UBA6: variants seen among roughly 807,000 people sequenced by gnomAD.
UBA6 encodes the protein ubiquitin like modifier activating enzyme 6, also known as ubiquitin-like modifier-activating enzyme 6.
UBA6 carries 87 observed loss-of-function variants against 148.3 expected under a neutral mutation model. That is an observed-to-expected ratio of 0.59 (90% CI 0.49 to 0.70). The LOEUF (loss-of-function observed/expected upper bound fraction) is 0.70. UBA6 is among the 30% of genes least tolerant of loss of function. The probability of loss-of-function intolerance (pLI) is 0.00; values close to 1 mark genes in which losing one functional copy is unlikely to be tolerated. For missense variants in UBA6, 1,186 were observed against 1,241.2 expected (o/e 0.96, Z 0.67); for synonymous variants, 376 against 401.0 (o/e 0.94, Z 0.75).
chr4:67,699,417 A>G (rs1403417374), intron 1 of UBA6, among the ~76,000 whole-genome samples: 1 of 152,224 alleles, frequency 6.6e-6, no homozygotes, highest in African/African-American at 2.4e-5. Flanking sequence ...ACACTGGCAC[A>G]TATCAAATGA....
chr4:67,640,644 T>C (rs893347161), intron 18 of UBA6, among the ~76,000 whole-genome samples: 2 of 152,170 alleles, frequency 1.3e-5, no homozygotes, highest in Non-Finnish European at 2.9e-5. Context: ...CAAATCTGCT[T>C]GACTTAAAAT....
chr4:67,663,537 T>C, intron 11 of UBA6: 1 of 349,682 alleles, frequency 2.9e-6, no homozygotes, highest in Non-Finnish European at 5.1e-6. Flanking sequence ...TCAAGGCTTT[T>C]TTGGTAAGAA....
chr4:67,633,309 C>A, intron 23 of UBA6, 36 bp downstream of exon 23: 1 of 1,527,816 alleles, frequency 6.5e-7, no homozygotes, highest in South Asian at 1.3e-5. Context: ...AAGCCAAGAT[C>A]AGACCTTTTC....
chr4:67,644,660 A>G (rs1729379970), intron 17 of UBA6, 38 bp downstream of exon 17: 1 of 1,195,954 alleles, frequency 8.4e-7, no homozygotes, highest in African/African-American at 1.5e-5. Flanking sequence ...GCAACAACAG[A>G]AATATAAACT....
Position 67,681,547 on chromosome 4 carries a change from G to A in UBA6, c.258+16C>T, listed in dbSNP as rs1393631424. On this transcript the variant is annotated intron_variant, in intron 4 of 32. Coordinates refer to ENST00000322244, the MANE Select transcript of UBA6 (RefSeq NM_018227.6). ...AAGGCTCATAACAATTTTTCTTACA[G>A]AGGACATTTACTTACCTTAATCCCT... The A allele has an allele frequency of 7.1e-6, 11 of 1,554,292 alleles. No individual in the cohort carries two copies. The highest frequency in any genetic ancestry group is 1.4e-5 in the African/African-American group (1 of 70,788).
Position 67,634,326 on chromosome 4 carries a change from T to C in UBA6, c.1933-4A>G. 1.3e-6 allele frequency: 2 copies of C among 1,579,854 alleles called. No homozygotes were observed. Among genetic ancestry groups the C allele is most frequent in the Middle Eastern group, 1.7e-4 (1 of 5,742 alleles). On this transcript the variant is annotated splice_region_variant and splice_polypyrimidine_tract_variant and intron_variant, in intron 21 of 32. Coordinates refer to ENST00000322244, the MANE Select transcript of UBA6 (RefSeq NM_018227.6). ...TGTGGGAAAAGGAACTTTCAAACTG[T>C]AACAGAGAAAAGAAAAAAAAAATTA... is the stretch of plus-strand genomic sequence containing the variant.
At chr4:67,658,269 T>C (rs547349222) in intron 13 of UBA6, among the ~76,000 whole-genome samples, 84 of 152,342 alleles carry the variant, frequency 5.5e-4, no homozygotes, top group Non-Finnish European at 9.6e-4. Context: ...CTATTCACTA[T>C]AGCAAACTTG....
intron 2 of UBA6, among the ~76,000 whole-genome samples, chr4:67,695,937 T>C (rs1730821388): frequency 6.6e-6 from 1 of 152,120 alleles, no homozygotes; most frequent in Non-Finnish European, 1.5e-5. Context: ...AAAAGTATAG[T>C]TTAAAAAGTC....
chr4:67,638,755 T>A (rs1242628185), intron 19 of UBA6, among the ~76,000 whole-genome samples, 188 bp downstream of exon 19: 1 of 152,190 alleles, frequency 6.6e-6, no homozygotes, highest in Non-Finnish European at 1.5e-5. Flanking sequence ...AACATTTAGG[T>A]TATGTTACAG....
In UBA6 at chr4:67,622,840, A is replaced by C. The variant is rs1728780981; in HGVS notation, c.3014T>G (p.Leu1005Trp). 1.9e-6 allele frequency: 3 copies of C among 1,609,570 alleles called. No homozygotes were observed. The highest frequency in any genetic ancestry group is 1.7e-6 in the Non-Finnish European group (2 of 1,178,262). ...AATGTTGAATACTTACGTTAACTTC[A>C]ATCTTTTTGCATGACCAGGCATTAC... is the stretch of plus-strand genomic sequence containing the variant. ...VPVMPGHAKR[L>W]KLTMHKLVKP... Residue 1005 changes from leucine (L) to tryptophan (W), a missense_variant, in exon 32 of 33, where the codon TTG (leucine) becomes TGG (tryptophan). Transcript: ENST00000322244.
At chr4:67,699,215 G>A (rs1730912045) in intron 1 of UBA6, among the ~76,000 whole-genome samples, 1 of 152,162 alleles carries the variant, frequency 6.6e-6, no homozygotes, top group Non-Finnish European at 1.5e-5. Flanking sequence ...TGAGAGCTGA[G>A]ATCAATATAC....
Position 67,701,107 on chromosome 4 carries a change from C to G in UBA6, c.13G>C (p.Glu5Gln), listed in dbSNP as rs763998995. Residue 5 changes from glutamate to glutamine, a missense_variant, in exon 1 of 33, where the codon GAG (glutamate) becomes CAG (glutamine). Glu to Gln is a conservative substitution (Grantham distance 29). Coordinates refer to ENST00000322244, the MANE Select transcript of UBA6 (RefSeq NM_018227.6). ...TCCCCCTGATGGGCGGCCACAGGCT[C>G]GGATCCTTCCATTGCCGCCTGAGAC... MEGS[E>Q]PVAAHQGEEA... The G allele has an allele frequency of 5.6e-6, 9 of 1,613,054 alleles. No homozygotes were observed. Among genetic ancestry groups the G allele is most frequent in the African/African-American group, 5.3e-5 (4 of 74,886 alleles).
At chr4:67,640,750 G>A (rs902609895) in intron 18 of UBA6, among the ~76,000 whole-genome samples, 1 of 152,136 alleles carries the variant, frequency 6.6e-6, no homozygotes, top group Non-Finnish European at 1.5e-5. Flanking sequence ...TTGGTCAAAC[G>A]ATCAAAAGAG....
chr4:67,618,908 GTAT>G lies in UBA6; in HGVS notation c.*86_*88del, dbSNP rs770100014. 3.2e-4 allele frequency: 405 copies of G among 1,278,186 alleles called. 1 individual carries two copies. The highest frequency in any genetic ancestry group is 4.3e-4 in the Non-Finnish European group (393 of 920,332). 79.2% of individuals were successfully genotyped at this position (1,278,186 alleles called of 1,614,324 possible). On this transcript the variant is annotated 3_prime_UTR_variant, in exon 33 of 33. Coordinates refer to ENST00000322244, the MANE Select transcript of UBA6 (RefSeq NM_018227.6). ...AGGCTTAATGAAAGAGAAATCCATA[GTAT>G]TATGAACTGATTTTCTTTAGCTTCT...
rs574051213 is a variant in UBA6 at position 67,649,836 on chromosome 4, C to T, written c.1105-625G>A. On this transcript the variant is annotated intron_variant, in intron 13 of 32. Coordinates refer to ENST00000322244, the MANE Select transcript of UBA6 (RefSeq NM_018227.6). ...CTTATATGTGACAAAGATCTTTTCACGAGCCCTGTTTTCTTTCTCTTCTTA... is the reference window on the plus strand; with the variant it reads ...CTTATATGTGACAAAGATCTTTTCATGAGCCCTGTTTTCTTTCTCTTCTTA... 5.3e-5 allele frequency among the ~76,000 whole-genome samples: 8 copies of T among 152,242 alleles called. No homozygotes were observed. The East Asian group carries it at 1.4e-3, about 26-fold the overall frequency.
Position 67,622,882 on chromosome 4 carries a change from T to C in UBA6, c.2972A>G (p.Lys991Arg). The change falls in exon 32 of 33, where the codon AAA becomes AGA. Residue 991 changes from lysine to arginine, a missense_variant. By Grantham distance (26) the Lys-to-Arg change is conservative. Coordinates refer to ENST00000322244, the MANE Select transcript of UBA6 (RefSeq NM_018227.6). The part of the protein sequence containing the change: ...IEPTMVVQGV[K>R]MLYVPVMPGH... ...AGGCATTACAGGAACATAAAGCATT[T>C]TGACTCCCTGTACCACCATTGTTGG... 2 of 1,613,362 alleles carry C rather than the reference T, an allele frequency of 1.2e-6. No individual in the cohort carries two copies. Among genetic ancestry groups the C allele is most frequent in the Non-Finnish European group, 8.5e-7 (1 of 1,179,646 alleles).
At chr4:67,622,775 G>C in intron 32 of UBA6, 56 bp downstream of exon 32, 2 of 1,219,606 alleles carry the variant, frequency 1.6e-6, no homozygotes, top group Non-Finnish European at 1.2e-6. Flanking sequence ...TTTTTAGTGT[G>C]CATCAACTTA....
Position 67,630,379 on chromosome 4 carries a change from C to T in UBA6, c.2328+87G>A, listed in dbSNP as rs1728969084. On this transcript the variant is annotated intron_variant, in intron 26 of 32. Transcript: ENST00000322244. Reference sequence around the variant, plus strand: ...CAAAAAGAGTGATTCTTATAACAAACAAACATGTTTTGATGCAATTAGTGC... The same window carrying T: ...CAAAAAGAGTGATTCTTATAACAAATAAACATGTTTTGATGCAATTAGTGC... 4 of 855,514 alleles carry T rather than the reference C, an allele frequency of 4.7e-6. No individual in the cohort carries two copies. In the Admixed American group the frequency reaches 8.8e-5, roughly 19 times the overall value. The allele number at this position is 855,514 out of a possible 1,614,324, so 53.0% of individuals were successfully genotyped here.
At chr4:67,657,431 G>T (rs905924057) in intron 13 of UBA6, among the ~76,000 whole-genome samples, 3 of 152,176 alleles carry the variant, frequency 2.0e-5, no homozygotes, top group African/African-American at 7.2e-5. Context: ...AAGAAATGGG[G>T]AAAGGATTCC....
Sources: gnomAD v4.1 joint callset for allele counts (sites outside exome capture counted in the v4.1 genomes callset) on GRCh38, gnomAD v4.1.1 for gene constraint, MANE v1.5 for transcripts, NCBI Gene and HGNC (gene_info 2026-07-23, HGNC 2026-07-21) for gene names.